IGSF10: variants seen among roughly 807,000 people sequenced by gnomAD.
IGSF10 encodes calvaria mechanical force protein 608.
A neutral mutation model predicts 128.2 loss-of-function variants in IGSF10; 126 were observed. That is an observed-to-expected ratio of 0.98 (90% CI 0.85 to 1.14). The LOEUF (loss-of-function observed/expected upper bound fraction) is 1.14. Ranked by LOEUF, IGSF10 falls within the 50% of genes most tolerant of loss-of-function variation. The pLI is 0.00. For missense variants in IGSF10, 3,295 were observed against 3,149.8 expected (o/e 1.05, Z -1.10); for synonymous variants, 1,185 against 1,146.2 (o/e 1.03, Z -0.68).
the IGSF10 span, among the ~76,000 whole-genome samples, chr3:151,574,172 G>A: frequency 1.3e-5 from 2 of 152,042 alleles, no homozygotes; most frequent in Non-Finnish European, 2.9e-5. Flanking sequence ...TTTGAACCTT[G>A]TTGCACCTGA....
the IGSF10 span, among the ~76,000 whole-genome samples, chr3:151,506,890 A>G: frequency 2.6e-5 from 4 of 152,206 alleles, no homozygotes; most frequent in African/African-American, 4.8e-5. Flanking sequence ...ATCTGCTTCT[A>G]TGTATTTGTA....
chr3:151,499,120 G>A, the IGSF10 span, among the ~76,000 whole-genome samples: 1 of 152,126 alleles, frequency 6.6e-6, no homozygotes, highest in African/African-American at 2.4e-5. Context: ...TTGTTCAAAT[G>A]AGAGAAAGCA....
the IGSF10 span, among the ~76,000 whole-genome samples, chr3:151,560,704 C>A: frequency 6.6e-6 from 1 of 151,248 alleles, no homozygotes; most frequent in East Asian, 2.0e-4. Context: ...TTGCCATAGC[C>A]CCCCCCTCCG....
chr3:151,536,974 AG>A, the IGSF10 span, among the ~76,000 whole-genome samples: 1 of 152,204 alleles, frequency 6.6e-6, no homozygotes, highest in Admixed American at 6.5e-5. Context: ...TTAAAACAGC[AG>A]GCCCAATAAG....
chr3:151,608,135 T>C, the IGSF10 span, among the ~76,000 whole-genome samples: 2 of 152,122 alleles, frequency 1.3e-5, no homozygotes, highest in African/African-American at 2.4e-5. Context: ...TCAAAAATCC[T>C]GGAGTTACCA....
chr3:151,612,972 C>A, the IGSF10 span, among the ~76,000 whole-genome samples: 1 of 152,130 alleles, frequency 6.6e-6, no homozygotes, highest in Admixed American at 6.6e-5. Flanking sequence ...AGCTGTGTGG[C>A]AATTCTTCAA....
Position 151,438,475 on chromosome 3 carries a change from A to G in IGSF10, c.6086T>C (p.Met2029Thr). ...RNKMGDDLIL[M>T]HVSLRLKPAK... ...AGGTTTCAGTCTTAGGCTAACATGC[A>G]TCAGTATCAGATCATCCCCCATTTT... The change falls in exon 8 of 8, where the codon ATG becomes ACG. Residue 2029 changes from methionine (M) to threonine (T), a missense_variant. Physicochemically the swap from Met to Thr is moderately conservative, Grantham distance 81. Coordinates refer to ENST00000282466, the MANE Select transcript of IGSF10 (RefSeq NM_178822.5). 1 of 1,614,184 alleles carries G rather than the reference A, an allele frequency of 6.2e-7. No individual in the cohort carries two copies. Among genetic ancestry groups the G allele is most frequent in the African/African-American group, 1.3e-5 (1 of 75,044 alleles).
At chr3:151,603,869 G>GA in the IGSF10 span, among the ~76,000 whole-genome samples, 2 of 152,208 alleles carry the variant, frequency 1.3e-5, no homozygotes, top group Admixed American at 6.5e-5. Flanking sequence ...CAGTCAGGCA[G>GA]AAAAAATACT....
intron 3 of IGSF10, among the ~76,000 whole-genome samples, chr3:151,458,247 T>G (rs928865461): frequency 9.2e-5 from 14 of 152,024 alleles, no homozygotes; most frequent in Non-Finnish European, 1.8e-4. Flanking sequence ...CCAGCAAAAA[T>G]GTAGCCAGAA....
At chr3:151,521,385 C>T in the IGSF10 span, among the ~76,000 whole-genome samples, 1 of 152,014 alleles carries the variant, frequency 6.6e-6, no homozygotes, top group African/African-American at 2.4e-5. Context: ...TTACAGAACT[C>T]TCCACCCAAA....
the IGSF10 span, among the ~76,000 whole-genome samples, chr3:151,587,164 T>C: frequency 2.6e-5 from 4 of 152,190 alleles, no homozygotes; most frequent in Admixed American, 6.5e-5. Context: ...AGCCTCTCTA[T>C]ATCTTAGACA....
the IGSF10 span, among the ~76,000 whole-genome samples, chr3:151,599,444 TG>T: frequency 1.3e-5 from 2 of 152,130 alleles, no homozygotes; most frequent in Non-Finnish European, 2.9e-5. Context: ...GCAATATCTT[TG>T]AGGCAGAATG....
chr3:151,531,259 T>A, the IGSF10 span, among the ~76,000 whole-genome samples: 2 of 152,068 alleles, frequency 1.3e-5, no homozygotes, highest in Non-Finnish European at 2.9e-5. Context: ...AACACCCCAC[T>A]GTCAATATTA....
upstream of IGSF10, among the ~76,000 whole-genome samples, chr3:151,464,619 C>G (rs934526807): frequency 6.6e-6 from 1 of 152,140 alleles, no homozygotes; most frequent in African/African-American, 2.4e-5. Context: ...CAACAGATAA[C>G]CAAATGCCAA....
the IGSF10 span, among the ~76,000 whole-genome samples, chr3:151,567,668 G>C: frequency 1.3e-5 from 2 of 152,176 alleles, no homozygotes; most frequent in South Asian, 2.1e-4. Context: ...TCCACTCCAG[G>C]CCAATAGTTT....
chr3:151,451,746 T>TTA (rs987032472), intron 5 of IGSF10, among the ~76,000 whole-genome samples: 38 of 152,236 alleles, frequency 2.5e-4, no homozygotes, highest in African/African-American at 8.7e-4. Context: ...AAATTTGCCT[T>TTA]TAAAATGTTT....
At chr3:151,605,087 C>T in the IGSF10 span, among the ~76,000 whole-genome samples, 12 of 152,222 alleles carry the variant, frequency 7.9e-5, no homozygotes, top group Middle Eastern at 3.4e-3. Flanking sequence ...ATTCAGCCTA[C>T]GCTTAGGGGC....
chr3:151,473,850 C>T, the IGSF10 span, among the ~76,000 whole-genome samples: 2 of 151,982 alleles, frequency 1.3e-5, no homozygotes, highest in African/African-American at 2.4e-5. Context: ...TTAATAGCTT[C>T]CCCTGAAAAT....
chr3:151,503,359 A>G, the IGSF10 span, among the ~76,000 whole-genome samples: 10 of 152,114 alleles, frequency 6.6e-5, no homozygotes, highest in African/African-American at 2.4e-4. Flanking sequence ...TGCAAGTATT[A>G]CGTTTAAAGT....
Sources: gnomAD v4.1 joint callset for allele counts (sites outside exome capture counted in the v4.1 genomes callset) on GRCh38, gnomAD v4.1.1 for gene constraint, MANE v1.5 for transcripts, NCBI Gene and HGNC (gene_info 2026-07-23, HGNC 2026-07-21) for gene names.